LAMP1: variants seen among roughly 807,000 people sequenced by gnomAD.
LAMP1 encodes lysosome associated membrane protein 1.
Under a neutral mutation model 37.5 loss-of-function variants are expected in LAMP1, and 7 were observed. That is an observed-to-expected ratio of 0.19 (90% CI 0.11 to 0.35). The LOEUF (loss-of-function observed/expected upper bound fraction) is 0.35, where lower values mean the gene tolerates loss of function less well. Among genes scored for constraint, LAMP1 ranks in the 10% least tolerant of loss-of-function variants. The pLI is 1.00. For synonymous variants in LAMP1, 236 were observed against 229.1 expected (o/e 1.03, Z -0.27); for missense variants, 537 against 552.8 (o/e 0.97, Z 0.29).
At chr13:113,306,753 G>A (rs960776021) in intron 2 of LAMP1, 147 bp downstream of exon 2, 8 of 827,610 alleles carry the variant, frequency 9.7e-6, no homozygotes, top group African/African-American at 8.7e-5. Flanking sequence ...TCAGTAACCT[G>A]CGCTGTCATG....
At chr13:113,307,957 CAAAAAAAAAAAA>C (rs56212251) in intron 2 of LAMP1, among the ~76,000 whole-genome samples, 1 of 59,900 alleles carries the variant, frequency 1.7e-5, no homozygotes, top group South Asian at 7.9e-4. Flanking sequence ...AGACCATCTC[CAAAAAAAAAAAA>C]AAAAAAAAAA....
At chr13:113,319,751 T>A in intron 5 of LAMP1, 95 bp downstream of exon 5, 1 of 1,204,300 alleles carries the variant, frequency 8.3e-7, no homozygotes, top group Middle Eastern at 2.9e-4. Context: ...CTGCACGTCA[T>A]GCTGTTAAGT....
At chr13:113,317,371 G>A (rs760254091) in intron 4 of LAMP1, among the ~76,000 whole-genome samples, 7 of 152,206 alleles carry the variant, frequency 4.6e-5, no homozygotes, top group South Asian at 2.1e-4. Flanking sequence ...GTGGGTTTGC[G>A]TTTGTAATTC....
At chr13:113,304,498 A>G (rs1411651280) in intron 1 of LAMP1, among the ~76,000 whole-genome samples, 1 of 152,212 alleles carries the variant, frequency 6.6e-6, no homozygotes, top group Non-Finnish European at 1.5e-5. Flanking sequence ...TAAGTGGTAG[A>G]ATCTTCCCTA....
intron 4 of LAMP1, among the ~76,000 whole-genome samples, chr13:113,315,004 T>C (rs1175083595): frequency 4.1e-5 from 4 of 97,960 alleles, no homozygotes; most frequent in African/African-American, 4.4e-5. Context: ...GGAGTCAGTG[T>C]GGAGATGCCC....
Position 113,321,499 on chromosome 13 carries a change from G to GCCCCCCCC in LAMP1, c.943+34_943+35insCCCCCCCC. On this transcript the variant is annotated intron_variant, in intron 7 of 8. Transcript: ENST00000332556. This position sits in a 1 kb window ranked among gnomAD's most constrained non-coding sequence, Gnocchi z 5.6. The stretch of plus-strand genomic sequence containing the variant: ...AGAACCCACAATCTCTGCGAGCCCC[G>GCCCCCCCC]CCCCCGCCCGCGCGCCCAGGGTATT... The GCCCCCCCC allele has an allele frequency of 6.2e-7, 1 of 1,610,948 alleles. No homozygotes were observed.
chr13:113,302,490 G>A (rs1282552652), intron 1 of LAMP1, among the ~76,000 whole-genome samples: 4 of 152,102 alleles, frequency 2.6e-5, no homozygotes, highest in East Asian at 1.9e-4. Flanking sequence ...GGCTGTGCCC[G>A]GCCTAATTTT....
In LAMP1 at chr13:113,297,772, T is replaced by G. The variant is rs1378478988; in HGVS notation, c.61+277T>G. On this transcript the variant is annotated intron_variant, in intron 1 of 8. Coordinates refer to ENST00000332556, the MANE Select transcript of LAMP1 (RefSeq NM_005561.4). The surrounding 1 kb of genome is among the most constrained non-coding windows in gnomAD (Gnocchi z 4.4). Reference sequence around the variant, plus strand: ...ACTGAACTCAGTTTTTCTGTGGTGGTGAGTGCGAAAGGGAACTTCCGATGG... The same window carrying G: ...ACTGAACTCAGTTTTTCTGTGGTGGGGAGTGCGAAAGGGAACTTCCGATGG... 2.0e-5 allele frequency among the ~76,000 whole-genome samples: 3 copies of G among 152,118 alleles called. No individual in the cohort carries two copies. The highest frequency in any genetic ancestry group is 4.4e-5 in the Non-Finnish European group (3 of 68,028).
rs1376701182 is a variant in LAMP1 at position 113,322,426 on chromosome 13, G to A, written c.*5G>A. 6.9e-6 allele frequency: 11 copies of A among 1,604,088 alleles called. No homozygotes were observed. The highest frequency in any genetic ancestry group is 1.3e-5 in the African/African-American group (1 of 74,684). On this transcript the variant is annotated 3_prime_UTR_variant, in exon 9 of 9. Coordinates refer to ENST00000332556, the MANE Select transcript of LAMP1 (RefSeq NM_005561.4). Reference sequence around the variant, plus strand: ...GCAGGCTACCAGACTATCTAGCCTGGTGCACGCAGGCACAGCAGCTGCAGG... The same window carrying A: ...GCAGGCTACCAGACTATCTAGCCTGATGCACGCAGGCACAGCAGCTGCAGG...
chr13:113,304,752 G>GT (rs1312900872), intron 1 of LAMP1, among the ~76,000 whole-genome samples: 1 of 151,994 alleles, frequency 6.6e-6, no homozygotes, highest in East Asian at 1.9e-4. Flanking sequence ...GGCCTCCCTG[G>GT]TTCAAGTGAT....
intron 1 of LAMP1, 64 bp from the exon 2 acceptor site, chr13:113,306,421 G>T: frequency 6.4e-7 from 1 of 1,554,120 alleles, no homozygotes; most frequent in Non-Finnish European, 8.8e-7. Flanking sequence ...TGTGGAAAAT[G>T]GAAATACTCG....
intron 4 of LAMP1, among the ~76,000 whole-genome samples, chr13:113,316,252 G>A (rs2042663247): frequency 6.6e-6 from 1 of 152,178 alleles, no homozygotes; most frequent in Non-Finnish European, 1.5e-5. Flanking sequence ...GTGAGGCTCA[G>A]CCAGGCTTTT....
chr13:113,323,252 T>A lies in LAMP1; in HGVS notation c.*831T>A, dbSNP rs1595466534. The A allele has an allele frequency of 2.0e-5, 3 of 152,064 alleles. No homozygotes were observed. In the East Asian group the frequency reaches 5.8e-4, roughly 29 times the overall value. 9.4% of individuals were successfully genotyped at this position (152,064 alleles called of 1,614,324 possible). The stretch of plus-strand genomic sequence containing the variant: ...AAAATGGGTGTTATTTTTATTTTTA[T>A]TTGTAAAGTGATTTTTGGTCTTCTG... On this transcript the variant is annotated 3_prime_UTR_variant, in exon 9 of 9. Transcript: ENST00000332556.
chr13:113,301,643 AAATATATATATATATATATATATAT>A (rs1285235302), intron 1 of LAMP1, among the ~76,000 whole-genome samples: 633 of 4,850 alleles, frequency 0.13, 41 homozygotes, highest in Non-Finnish European at 0.18. Context: ...AAAAAAAAAA[AAATATATATATATATATATATATAT>A]ATATATATAT....
chr13:113,311,860 G>T (rs1256296744), intron 4 of LAMP1, among the ~76,000 whole-genome samples: 1 of 152,334 alleles, frequency 6.6e-6, no homozygotes, highest in East Asian at 1.9e-4. Context: ...CTTTTGAGGA[G>T]CTTCTCTCCC....
intron 4 of LAMP1, among the ~76,000 whole-genome samples, chr13:113,314,852 C>G (rs1281388046): frequency 1.6e-3 from 113 of 70,670 alleles, no homozygotes; most frequent in Admixed American, 3.1e-3. Flanking sequence ...CTCCTGGAGG[C>G]AGCCAGTGTG....
At chr13:113,308,497 G>A (rs2042612499) in intron 2 of LAMP1, among the ~76,000 whole-genome samples, 1 of 151,344 alleles carries the variant, frequency 6.6e-6, no homozygotes, top group African/African-American at 2.4e-5. Context: ...GCTAATTTTT[G>A]TATTTTTAGT....
chr13:113,314,951 C>T (rs1304915879), intron 4 of LAMP1, among the ~76,000 whole-genome samples: 7 of 106,388 alleles, frequency 6.6e-5, no homozygotes, highest in Admixed American at 1.9e-4. Context: ...CTGGAGGGAA[C>T]CAGTGTGGAG....
In LAMP1 at chr13:113,306,533, A is replaced by G; in HGVS notation, c.110A>G (p.Asn37Ser). The change falls in exon 2 of 9, where the codon AAC (asparagine) becomes AGC (serine). Residue 37 changes from asparagine (N) to serine (S), a missense_variant. Transcript: ENST00000332556. ...GCAATGTTTATGGTGAAAAATGGCA[A>G]CGGGACCGCGTGCATAATGGCCAAC... ...SAAMFMVKNG[N>S]GTACIMANFS... 6.2e-7 allele frequency: 1 copy of G among 1,614,086 alleles called. No homozygotes were observed. The highest frequency in any genetic ancestry group is 8.5e-7 in the Non-Finnish European group (1 of 1,179,978).
Sources: gnomAD v4.1 joint callset for allele counts (sites outside exome capture counted in the v4.1 genomes callset) on GRCh38, gnomAD v4.1.1 for gene constraint, Gnocchi (gnomAD v3.1) non-coding constraint, MANE v1.5 for transcripts, NCBI Gene and HGNC (gene_info 2026-07-23, HGNC 2026-07-21) for gene names.